PREX2: variants seen among roughly 807,000 people sequenced by gnomAD.
PREX2 encodes phosphatidylinositol-3,4,5-trisphosphate dependent Rac exchange factor 2, also known as phosphatidylinositol 3,4,5-trisphosphate-dependent Rac exchanger 2 protein.
A neutral mutation model predicts 203.2 loss-of-function variants in PREX2; 107 were observed. That is an observed-to-expected ratio of 0.53 (90% confidence interval 0.45 to 0.62). PREX2 has a LOEUF of 0.62. Ranked by LOEUF, PREX2 falls within the 20% of genes least tolerant of loss-of-function variation. The pLI is 0.00. For synonymous variants in PREX2, 672 were observed against 663.6 expected (o/e 1.01, Z -0.19); for missense variants, 1,777 against 1,955.9 (o/e 0.91, Z 1.72).
chr8:68,066,317 C>G (rs1809014334), intron 11 of PREX2, among the ~76,000 whole-genome samples: 1 of 152,058 alleles, frequency 6.6e-6, no homozygotes, highest in South Asian at 2.1e-4. Flanking sequence ...TCCAAAATGG[C>G]TATATGAATT....
At chr8:68,008,171 C>G (rs1280461819) in intron 1 of PREX2, among the ~76,000 whole-genome samples, 1 of 152,122 alleles carries the variant, frequency 6.6e-6, no homozygotes, top group Non-Finnish European at 1.5e-5. Flanking sequence ...TGTCCCAAAA[C>G]CTGGCATTCT....
At chr8:68,085,678 A>G (rs968011027) in intron 18 of PREX2, among the ~76,000 whole-genome samples, 2 of 152,198 alleles carry the variant, frequency 1.3e-5, no homozygotes, top group Non-Finnish European at 2.9e-5. Flanking sequence ...TGTTCTCACC[A>G]GGGAAACATG....
chr8:68,180,349 C>T (rs1812059982), intron 35 of PREX2, among the ~76,000 whole-genome samples: 1 of 152,136 alleles, frequency 6.6e-6, no homozygotes, highest in Non-Finnish European at 1.5e-5. Context: ...TTCTAAACCA[C>T]ACCATTGGTT....
chr8:68,216,179 CTCTTTT>C (rs1290220844), intron 37 of PREX2, among the ~76,000 whole-genome samples: 5 of 152,204 alleles, frequency 3.3e-5, no homozygotes, highest in African/African-American at 1.2e-4. Context: ...TCCCTCTCTC[CTCTTTT>C]TCTTAATTAT....
At chr8:67,991,808 C>T (rs1806617682) in intron 1 of PREX2, among the ~76,000 whole-genome samples, 1 of 152,140 alleles carries the variant, frequency 6.6e-6, no homozygotes, top group African/African-American at 2.4e-5. Flanking sequence ...ACCACTGACA[C>T]TCAACTTTAG....
intron 1 of PREX2, among the ~76,000 whole-genome samples, chr8:68,004,843 TAAA>T (rs757717578): frequency 6.6e-6 from 1 of 152,168 alleles, no homozygotes; most frequent in Admixed American, 6.5e-5. Context: ...TAGAACATAA[TAAA>T]AAATCAATTG....
intron 6 of PREX2, among the ~76,000 whole-genome samples, chr8:68,035,029 TG>T (rs140140859): frequency 0.083 from 12,562 of 152,120 alleles, 1,541 homozygotes; most frequent in African/African-American, 0.27. Flanking sequence ...GAAGGTTTGA[TG>T]GGACTTTATC....
Position 68,231,445 on chromosome 8 carries a change from G to A in PREX2, c.*67G>A. On this transcript the variant is annotated 3_prime_UTR_variant, in exon 40 of 40. Coordinates refer to ENST00000288368, the MANE Select transcript of PREX2 (RefSeq NM_024870.4). Reference sequence around the variant, plus strand: ...GCTGGACTAGACAAACTACATGCTGGCTAAACATTCTCCACTGAAGATACA... The same window carrying A: ...GCTGGACTAGACAAACTACATGCTGACTAAACATTCTCCACTGAAGATACA... 1 of 1,299,120 alleles carries A rather than the reference G, an allele frequency of 7.7e-7. No homozygotes were observed. Among genetic ancestry groups the A allele is most frequent in the Non-Finnish European group, 1.1e-6 (1 of 950,998 alleles). 80.5% of individuals were successfully genotyped at this position (1,299,120 alleles called of 1,614,324 possible).
chr8:68,194,828 G>T (rs189347453), intron 37 of PREX2, among the ~76,000 whole-genome samples: 109 of 151,488 alleles, frequency 7.2e-4, no homozygotes, highest in Non-Finnish European at 9.6e-4. Flanking sequence ...GAAGGAGTGG[G>T]TCATGCAGAT....
chr8:68,008,792 T>C (rs1489421745), intron 1 of PREX2, among the ~76,000 whole-genome samples: 2 of 152,156 alleles, frequency 1.3e-5, no homozygotes, highest in African/African-American at 2.4e-5. Context: ...CCCCTGCACA[T>C]GCTGTCTTGC....
At chr8:68,019,725 T>G (rs1370195888) in intron 3 of PREX2, 54 bp downstream of exon 3, 1 of 1,534,842 alleles carries the variant, frequency 6.5e-7, no homozygotes, top group Non-Finnish European at 8.9e-7. Flanking sequence ...ATTTTGAGAT[T>G]TAGCTCTTGG....
At chr8:68,139,660 C>T (rs1811187121) in intron 33 of PREX2, among the ~76,000 whole-genome samples, 1 of 152,158 alleles carries the variant, frequency 6.6e-6, no homozygotes, top group South Asian at 2.1e-4. Context: ...AGGATGGTGA[C>T]TTGGCCTGGA....
At chr8:68,154,326 T>G (rs947948830) in intron 34 of PREX2, among the ~76,000 whole-genome samples, 3 of 152,252 alleles carry the variant, frequency 2.0e-5, no homozygotes, top group Admixed American at 2.0e-4. Flanking sequence ...TGAGCTGTCT[T>G]AATACTAGTA....
rs62520747 is a variant in PREX2, at chr8:68,050,942, C to T, written c.944-2155C>T. Among the ~76,000 whole-genome samples, 900 of 152,178 alleles carry T rather than the reference C, an allele frequency of 5.9e-3. 9 individuals are homozygous for T. The highest frequency in any genetic ancestry group is 8.8e-3 in the Non-Finnish European group (601 of 67,992). Reference sequence around the variant, plus strand: ...TATTAGAACATAGTGGAAAATAGAACGAGTGTTTAGACAGAGTTGAGTTAT... The same window carrying T: ...TATTAGAACATAGTGGAAAATAGAATGAGTGTTTAGACAGAGTTGAGTTAT... On this transcript the variant is annotated intron_variant, in intron 8 of 39. Transcript: ENST00000288368.
intron 31 of PREX2, among the ~76,000 whole-genome samples, chr8:68,133,275 G>A (rs1046608518): frequency 3.3e-5 from 5 of 152,044 alleles, no homozygotes; most frequent in East Asian, 1.9e-4. Flanking sequence ...ATCACTTTCC[G>A]CCCGGTCTCT....
Position 68,097,333 on chromosome 8 carries a change from T to G in PREX2, c.2553+132T>G, listed in dbSNP as rs574848171. 1.4e-4 allele frequency: 100 copies of G among 737,338 alleles called. No homozygotes were observed. In the African/African-American group the frequency reaches 1.7e-3, roughly 13 times the overall value. 45.7% of individuals were successfully genotyped at this position (737,338 alleles called of 1,614,324 possible). On this transcript the variant is annotated intron_variant, in intron 22 of 39. Coordinates refer to ENST00000288368, the MANE Select transcript of PREX2 (RefSeq NM_024870.4). ...GTCAGCTCATTCAAACTTCTTTTTT[T>G]TTTTTTCTTGAGACAGAATATCACT...
intron 1 of PREX2, among the ~76,000 whole-genome samples, chr8:68,002,097 A>AG (rs1375332788): frequency 1.3e-5 from 2 of 151,334 alleles, no homozygotes; most frequent in African/African-American, 4.9e-5. Flanking sequence ...TTAAAAAAAA[A>AG]AGAAAGTGCA....
At chr8:67,962,537 C>T (rs1171934261) in intron 1 of PREX2, among the ~76,000 whole-genome samples, 3 of 151,414 alleles carry the variant, frequency 2.0e-5, no homozygotes, top group African/African-American at 7.3e-5. Flanking sequence ...ATTTTCTATA[C>T]TGTATAACTA....
chr8:68,202,231 C>A (rs11777321), intron 37 of PREX2, among the ~76,000 whole-genome samples: 3,084 of 152,132 alleles, frequency 0.02, 48 homozygotes, highest in Middle Eastern at 0.041. Flanking sequence ...CATAACCAGC[C>A]CTCACCAGGC....
Sources: allele counts gnomAD v4.1 joint callset (sites outside exome capture counted in the v4.1 genomes callset), GRCh38; gene constraint gnomAD v4.1.1; transcripts MANE v1.5; gene names NCBI Gene and HGNC (gene_info 2026-07-23, HGNC 2026-07-21).